BPTF: variants seen among roughly 807,000 people sequenced by gnomAD.
BPTF encodes bromodomain PHD finger transcription factor.
A neutral mutation model predicts 292.5 loss-of-function variants in BPTF; 18 were observed. The observed-to-expected ratio is 0.06, with a 90% CI of 0.04 to 0.09. The LOEUF is 0.09. Among genes scored for constraint, BPTF ranks in the 10% least tolerant of loss-of-function variants. The pLI is 1.00. For synonymous variants in BPTF, 1,225 were observed against 1,251.9 expected (o/e 0.98, Z 0.45); for missense variants, 2,726 against 3,498.7 (o/e 0.78, Z 5.57).
intron 17 of BPTF, among the ~76,000 whole-genome samples, chr17:67,929,830 G>T (rs1453672921): frequency 6.6e-6 from 1 of 152,176 alleles, no homozygotes; most frequent in Admixed American, 6.6e-5. Context: ...AATTTAAAAT[G>T]CTGGGCCAGG....
Position 67,911,358 on chromosome 17 carries a change from C to T in BPTF, c.3474C>T (p.Asn1158=). 1.2e-6 allele frequency: 2 copies of T among 1,614,062 alleles called. No individual in the cohort carries two copies. The highest frequency in any genetic ancestry group is 1.1e-5 in the South Asian group (1 of 91,056). The part of the protein sequence containing the change: ...LRMSDPSHTT[N]KLYPKDRVLD... ...TGAGTGATCCTAGTCATACCACAAACAAACTTTATCCAAAAGATCGAGTGT... is the reference window on the plus strand; with the variant it reads ...TGAGTGATCCTAGTCATACCACAAATAAACTTTATCCAAAAGATCGAGTGT... The change falls in exon 11 of 28, where the codon AAC becomes AAT. Residue 1158 remains asparagine, a synonymous_variant. Transcript: ENST00000306378.
At chr17:67,955,277 C>CAAAAAAAA (rs60507268) in intron 23 of BPTF, 1 of 119,518 alleles carries the variant, frequency 8.4e-6, no homozygotes, top group African/African-American at 3.5e-5. Context: ...GACTCTGTCT[C>CAAAAAAAA]AAAAAAAAAA....
chr17:67,945,694 C>A lies in BPTF; in HGVS notation c.6986C>A (p.Ser2329Tyr). Residue 2329 changes from serine (S) to tyrosine (Y), a missense_variant, in exon 21 of 28, where the codon TCT becomes TAT. Physicochemically the swap from Ser to Tyr is moderately radical, Grantham distance 144. Around this residue, in one of 22 missense-constraint regions of BPTF, gnomAD observed 570 missense variants for 633.5 expected, o/e 0.90. Transcript: ENST00000306378. ...TCCAAGCCCCAAGTTGCAGCACAGT[C>A]TCAGCCTCAAAGTAATGTCCAAGGA... The part of the protein sequence containing the change: ...QSSKPQVAAQ[S>Y]QPQSNVQGQS... The A allele has an allele frequency of 6.2e-7, 1 of 1,614,182 alleles. No homozygotes were observed. The highest frequency in any genetic ancestry group is 8.5e-7 in the Non-Finnish European group (1 of 1,180,038).
At chr17:67,915,863 C>T (rs2062950464) in intron 11 of BPTF, among the ~76,000 whole-genome samples, 1 of 152,102 alleles carries the variant, frequency 6.6e-6, no homozygotes. Context: ...AGAAGATGCT[C>T]AAGTATTTTT....
chr17:67,942,098 T>C (rs969238662), intron 19 of BPTF, among the ~76,000 whole-genome samples: 1 of 152,132 alleles, frequency 6.6e-6, no homozygotes, highest in Non-Finnish European at 1.5e-5. Flanking sequence ...GGTGGATCAC[T>C]TGAGGTCAGG....
In BPTF at chr17:67,886,368, CT is replaced by C. The variant is rs11413151; in HGVS notation, c.1865-5468del. Reference sequence around the variant, plus strand: ...TAAAGGGAAGTTTTTTCTTTTTTTTCTTTTTTTTGTGTGTGTGTGTGTGGTT... The same window carrying C: ...TAAAGGGAAGTTTTTTCTTTTTTTTCTTTTTTTGTGTGTGTGTGTGTGGTT... On this transcript the variant is annotated intron_variant, in intron 4 of 27. Transcript: ENST00000306378. 1.7e-4 allele frequency: 221 copies of C among 1,288,662 alleles called. No individual in the cohort carries two copies. In the African/African-American group the frequency reaches 2.0e-3, roughly 12 times the overall value. The allele number at this position is 1,288,662 out of a possible 1,614,324, so 79.8% of individuals were successfully genotyped here.
chr17:67,866,439 A>G (rs746993431), intron 2 of BPTF, 25 bp from the exon 3 acceptor site: 3 of 1,525,034 alleles, frequency 2.0e-6, no homozygotes, highest in Non-Finnish European at 2.7e-6. Context: ...TAACATATAA[A>G]GTATTTCCCC....
At chr17:67,932,162 C>A in intron 18 of BPTF, 143 bp downstream of exon 18, 1 of 680,500 alleles carries the variant, frequency 1.5e-6, no homozygotes, top group South Asian at 2.0e-5. Flanking sequence ...CCATTGTGAG[C>A]TCTATTCATT....
intron 1 of BPTF, among the ~76,000 whole-genome samples, chr17:67,832,475 T>C (rs2056777812): frequency 6.6e-6 from 1 of 152,222 alleles, no homozygotes; most frequent in Non-Finnish European, 1.5e-5. Context: ...TAGCTAAATT[T>C]ATTGGACATC....
rs369954466 is a variant in BPTF, at chr17:67,927,125, G to C, written c.5752-1230G>C. On this transcript the variant is annotated intron_variant, in intron 15 of 27. Coordinates refer to ENST00000306378, the MANE Select transcript of BPTF (RefSeq NM_182641.4). ...TCACCTATGTCAAAGGCAGGAGATA[G>C]TGGTGCAGGATTGGAATTTGATTTT... is the stretch of plus-strand genomic sequence containing the variant. Among the ~76,000 whole-genome samples the C allele has an allele frequency of 2.1e-4, 32 of 152,256 alleles. 1 individual carries two copies. In the South Asian group the frequency reaches 6.6e-3, roughly 32 times the overall value.
chr17:67,983,371 G>A lies in BPTF; in HGVS notation c.*1083G>A, dbSNP rs2070617347. ...TTGCATCAGTTGATCATACTAACGA[G>A]AACGGTAATGCGACAAGATACACAT... On this transcript the variant is annotated 3_prime_UTR_variant, in exon 28 of 28. Coordinates refer to ENST00000306378, the MANE Select transcript of BPTF (RefSeq NM_182641.4). 6.6e-6 allele frequency: 1 copy of A among 152,630 alleles called. No individual in the cohort carries two copies. Among genetic ancestry groups the A allele is most frequent in the Non-Finnish European group, 1.5e-5 (1 of 68,046 alleles). 9.5% of individuals were successfully genotyped at this position (152,630 alleles called of 1,614,324 possible). A position where few individuals can be genotyped will look rare whatever the true frequency, so the allele number is the denominator to read the frequency against.
intron 23 of BPTF, among the ~76,000 whole-genome samples, chr17:67,954,506 A>G (rs1462845944): frequency 6.6e-6 from 1 of 152,080 alleles, no homozygotes; most frequent in African/African-American, 2.4e-5. Flanking sequence ...CACACACAGC[A>G]TGTTAGTCTC....
chr17:67,967,074 T>C (rs1239870070), intron 26 of BPTF, among the ~76,000 whole-genome samples: 3 of 150,880 alleles, frequency 2.0e-5, no homozygotes, highest in African/African-American at 7.3e-5. Flanking sequence ...CACTCTAACC[T>C]GGCAAGAAAA....
chr17:67,927,092 CAGGAG>C (rs2063981948), intron 15 of BPTF, among the ~76,000 whole-genome samples: 1 of 152,090 alleles, frequency 6.6e-6, no homozygotes, highest in Non-Finnish European at 1.5e-5. Context: ...CATAGGTGAG[CAGGAG>C]GCTCACCTAT....
At chr17:67,884,139 T>A (rs1476495694) in intron 4 of BPTF, among the ~76,000 whole-genome samples, 1 of 64,670 alleles carries the variant, frequency 1.5e-5, no homozygotes, top group Non-Finnish European at 2.5e-5. Flanking sequence ...ATTTTCTTTC[T>A]TTTTTTTTTT....
At position 67,971,298 on chromosome 17, in the gene BPTF, C is replaced by T. The variant is rs910058999; in HGVS notation, c.8540-4474C>T. ...TTCACCATGTTGGCCAGGCTGATCT[C>T]GAACTCCTGACCTCAAGGGATCCAC... On this transcript the variant is annotated intron_variant, in intron 26 of 27. Transcript: ENST00000306378. Among the ~76,000 whole-genome samples the T allele has an allele frequency of 7.9e-5, 12 of 151,714 alleles. No homozygotes were observed. The South Asian group carries it at 8.4e-4, about 11-fold the overall frequency.
At chr17:67,864,561 TAAAC>T (rs1284597165) in intron 2 of BPTF, among the ~76,000 whole-genome samples, 2 of 150,870 alleles carry the variant, frequency 1.3e-5, no homozygotes, top group Non-Finnish European at 3.0e-5. Flanking sequence ...AGAAAAAAGT[TAAAC>T]AAAACAAAAC....
At chr17:67,842,353 C>A (rs2057623020) in intron 1 of BPTF, among the ~76,000 whole-genome samples, 1 of 152,150 alleles carries the variant, frequency 6.6e-6, no homozygotes, top group Admixed American at 6.6e-5. Flanking sequence ...ACCAGTTACT[C>A]CTCCTTCAGA....
chr17:67,896,619 A>G (rs1298657751), intron 7 of BPTF, among the ~76,000 whole-genome samples: 2 of 152,256 alleles, frequency 1.3e-5, no homozygotes, highest in Non-Finnish European at 2.9e-5. Flanking sequence ...ACAATGTTAC[A>G]GTATTGTTTA....
Sources: gnomAD v4.1 joint callset for allele counts (sites outside exome capture counted in the v4.1 genomes callset) on GRCh38, gnomAD v4.1.1 for gene constraint, gnomAD v4.1.1 regional missense constraint, MANE v1.5 for transcripts, NCBI Gene and HGNC (gene_info 2026-07-23, HGNC 2026-07-21) for gene names.